The following PCED1A variants were observed in gnomAD, a reference collection of about 807,000 sequenced individuals.
PCED1A encodes PC-esterase domain containing 1A.
PCED1A carries 20 observed loss-of-function variants against 41.9 expected under a neutral mutation model. That is an observed-to-expected ratio of 0.48 (90% confidence interval 0.34 to 0.69). PCED1A has a LOEUF of 0.69. PCED1A is among the 30% of genes least tolerant of loss of function. The pLI is 0.01. For synonymous variants in PCED1A, 236 were observed against 241.3 expected, an observed-to-expected ratio of 0.98 and a Z score of 0.20; for missense variants, 498 against 602.1, an observed-to-expected ratio of 0.83 and a Z score of 1.81.
At chr20:2,840,792 G>T (rs141415553), upstream of PCED1A, 3 of 1,548,398 alleles carry the variant, frequency 1.9e-6, no homozygotes, top group Non-Finnish European at 2.6e-6. Context: ...GCTACACGGC[G>T]AACTGGAACC....
At position 2,838,156 on chromosome 20, in the gene PCED1A, G is replaced by A. The variant is rs942198429; in HGVS notation, c.841+76C>T. 22 of 1,602,328 alleles carry A rather than the reference G, an allele frequency of 1.4e-5. No individual in the cohort carries two copies. The highest frequency in any genetic ancestry group is 6.7e-5 in the African/African-American group (5 of 74,716). ...ACCTCTACTTCCCTTGAGTGGCTGT[G>A]TCCCATTCTGTTTCTGAGCCCTGTC... On this transcript the variant is annotated intron_variant, in intron 6 of 7. Transcript: ENST00000360652. The surrounding 1 kb of genome is among the most constrained non-coding windows in gnomAD (Gnocchi z 5.8).
At chr20:2,835,851 C>A (rs6037420) in intron 7 of PCED1A, 142 bp from the exon 8 acceptor site, 2 of 1,457,082 alleles carry the variant, frequency 1.4e-6, no homozygotes. Flanking sequence ...TACCTTCAGA[C>A]GGTGAAACAG....
Position 2,838,418 on chromosome 20 carries a change from T to C in PCED1A, c.655A>G (p.Thr219Ala). 1.2e-6 allele frequency: 2 copies of C among 1,614,252 alleles called. No individual in the cohort carries two copies. Among genetic ancestry groups the C allele is most frequent in the Non-Finnish European group, 1.7e-6 (2 of 1,180,044 alleles). ...DVVEGNFYSA[T>A]LAGDHCFDVL... is the part of the protein sequence containing the mutation. ...TCAAAGCAGTGGTCCCCGGCCAGCG[T>C]AGCACTGTAGAAGTTCCCTTCAACC... Residue 219 changes from threonine to alanine, a missense_variant, in exon 6 of 8, where the codon ACG becomes GCG. Around this residue, in one of 2 missense-constraint regions of PCED1A, gnomAD observed 253 missense variants for 369.7 expected, o/e 0.68. Transcript: ENST00000360652. The surrounding 1 kb of genome is among the most constrained non-coding windows in gnomAD (Gnocchi z 5.8).
chr20:2,836,004 G>A, intron 7 of PCED1A, 35 bp downstream of exon 7: 9 of 1,464,730 alleles, frequency 6.1e-6, no homozygotes, highest in Middle Eastern at 2.2e-4. Context: ...GTAAGGGGAG[G>A]TACAAGAGGG....
Position 2,838,090 on chromosome 20 carries a change from T to C in PCED1A, c.841+142A>G. 1 of 1,241,472 alleles carries C rather than the reference T, an allele frequency of 8.1e-7. No individual in the cohort carries two copies. Among genetic ancestry groups the C allele is most frequent in the Non-Finnish European group, 1.1e-6 (1 of 877,222 alleles). The allele number at this position is 1,241,472 out of a possible 1,614,324, so 76.9% of individuals were successfully genotyped here. ...CGATGATCTAACCCTCCTCAGGGGT[T>C]GAGGAAGGTGCATGCAGAAGCCACA... is the stretch of plus-strand genomic sequence containing the variant. On this transcript the variant is annotated intron_variant, in intron 6 of 7. Coordinates refer to ENST00000360652, the MANE Select transcript of PCED1A (RefSeq NM_022760.6). This position sits in a 1 kb window ranked among gnomAD's most constrained non-coding sequence, Gnocchi z 5.8.
intron 6 of PCED1A, among the ~76,000 whole-genome samples, chr20:2,837,808 A>C (rs1261669680): frequency 1.3e-5 from 2 of 152,070 alleles, no homozygotes; most frequent in African/African-American, 2.4e-5. Flanking sequence ...TCCCTGTTCC[A>C]CACCCTGCCA....
At chr20:2,840,776 T>C, upstream of PCED1A, 2 of 1,548,518 alleles carry the variant, frequency 1.3e-6, no homozygotes, top group Non-Finnish European at 1.7e-6. Flanking sequence ...GCACCAGCCA[T>C]GGACTGCTAC....
chr20:2,835,367 A>G lies in PCED1A; in HGVS notation c.*95T>C, dbSNP rs1010838394. 57 of 1,441,726 alleles carry G rather than the reference A, an allele frequency of 4.0e-5. No homozygotes were observed. The highest frequency in any genetic ancestry group is 5.3e-5 in the Non-Finnish European group (57 of 1,076,844). The allele number at this position is 1,441,726 out of a possible 1,614,324, so 89.3% of individuals were successfully genotyped here. ...TTGGTGACAGCAATGGACAAGAACA[A>G]TACCAGGCATAGCAGACACCCTAGC... On this transcript the variant is annotated 3_prime_UTR_variant, in exon 8 of 8. Coordinates refer to ENST00000360652, the MANE Select transcript of PCED1A (RefSeq NM_022760.6).
In PCED1A at chr20:2,840,471, C is replaced by T. The variant is rs2088946887; in HGVS notation, c.-282G>A. On this transcript the variant is annotated 5_prime_UTR_variant, in exon 1 of 8. In the 5' UTR this introduces an upstream ATG that the reference lacks. Coordinates refer to ENST00000360652, the MANE Select transcript of PCED1A (RefSeq NM_022760.6). ...TCGGCGCCTCGGGCTGCGACGCTCA[C>T]AGCTTCCACTTCCGTTCACCCATGT... 2.1e-6 allele frequency: 1 copy of T among 475,450 alleles called. No individual in the cohort carries two copies. The highest frequency in any genetic ancestry group is 4.2e-5 in the East Asian group (1 of 23,616). 29.5% of individuals were successfully genotyped at this position (475,450 alleles called of 1,614,324 possible).
At chr20:2,840,835 G>GGCCCCCCC, upstream of PCED1A, 1 of 1,524,286 alleles carries the variant, frequency 6.6e-7, no homozygotes, top group Non-Finnish European at 8.9e-7. Context: ...CCGGTGAGCT[G>GGCCCCCCC]CCCCGCCCTC....
At chr20:2,836,570 G>A (rs755202554) in intron 6 of PCED1A, among the ~76,000 whole-genome samples, 15 of 152,092 alleles carry the variant, frequency 9.9e-5, no homozygotes, top group Non-Finnish European at 2.2e-4. Context: ...TGTTTGCCCA[G>A]GTCTTGTATC....
rs2088899643 is a variant in PCED1A, at chr20:2,839,279, G to A, written c.125-8C>T. 1.2e-6 allele frequency: 2 copies of A among 1,613,304 alleles called. No homozygotes were observed. The highest frequency in any genetic ancestry group is 2.2e-5 in the South Asian group (2 of 91,070). On this transcript the variant is annotated splice_polypyrimidine_tract_variant and splice_region_variant and intron_variant, in intron 2 of 7. Coordinates refer to ENST00000360652, the MANE Select transcript of PCED1A (RefSeq NM_022760.6). ...TGTACACAGCCCTCTGAACTGGGAG[G>A]AGACAGAGATCCCAAGGCTGAGGCA...
In PCED1A at chr20:2,838,801, T is replaced by C; in HGVS notation, c.443+43A>G. 6.2e-7 allele frequency: 1 copy of C among 1,614,130 alleles called. No individual in the cohort carries two copies. Among genetic ancestry groups the C allele is most frequent in the Non-Finnish European group, 8.5e-7 (1 of 1,179,986 alleles). ...GCACAAGGGTGGACTGCCTCAGCCG[T>C]ACTTCCAGCCCCAACCAGTATTCCC... On this transcript the variant is annotated intron_variant, in intron 4 of 7. Transcript: ENST00000360652. This position sits in a 1 kb window ranked among gnomAD's most constrained non-coding sequence, Gnocchi z 5.8.
rs749738193 is a variant in PCED1A, at chr20:2,838,424, T to C, written c.649A>G (p.Ser217Gly). The change falls in exon 6 of 8, where the codon AGT (serine) becomes GGT (glycine). Residue 217 changes from serine (S) to glycine (G), a missense_variant. Transcript: ENST00000360652. This position sits in a 1 kb window ranked among gnomAD's most constrained non-coding sequence, Gnocchi z 5.8. ...CAGTGGTCCCCGGCCAGCGTAGCACTGTAGAAGTTCCCTTCAACCACATCC... is the reference window on the plus strand; with the variant it reads ...CAGTGGTCCCCGGCCAGCGTAGCACCGTAGAAGTTCCCTTCAACCACATCC... ...RRDVVEGNFY[S>G]ATLAGDHCFD... The C allele has an allele frequency of 3.1e-6, 5 of 1,614,126 alleles. No homozygotes were observed. Among genetic ancestry groups the C allele is most frequent in the Non-Finnish European group, 4.2e-6 (5 of 1,180,048 alleles).
In PCED1A at chr20:2,839,281, G is replaced by A; in HGVS notation, c.125-10C>T. On this transcript the variant is annotated splice_polypyrimidine_tract_variant and intron_variant, in intron 2 of 7. Coordinates refer to ENST00000360652, the MANE Select transcript of PCED1A (RefSeq NM_022760.6). ...TACACAGCCCTCTGAACTGGGAGGA[G>A]ACAGAGATCCCAAGGCTGAGGCAGA... The A allele has an allele frequency of 1.9e-6, 3 of 1,613,158 alleles. No homozygotes were observed. The highest frequency in any genetic ancestry group is 2.2e-5 in the East Asian group (1 of 44,866).
chr20:2,836,462 T>C, intron 6 of PCED1A, 148 bp from the exon 7 acceptor site: 1 of 705,592 alleles, frequency 1.4e-6, no homozygotes, highest in South Asian at 1.8e-5. Flanking sequence ...GTTTTCCTCA[T>C]TCCCTCTCAT....
intron 6 of PCED1A, 58 bp from the exon 7 acceptor site, chr20:2,836,372 G>C: frequency 3.5e-6 from 5 of 1,426,510 alleles, no homozygotes; most frequent in Non-Finnish European, 4.9e-6. Context: ...CTGAACTCTG[G>C]CCATCCACAC....
rs369507132 is a variant in PCED1A at position 2,838,815 on chromosome 20, A to G, written c.443+29T>C. 15 of 1,614,118 alleles carry G rather than the reference A, an allele frequency of 9.3e-6. No homozygotes were observed. The African/African-American group carries it at 1.3e-4, about 14-fold the overall frequency. On this transcript the variant is annotated intron_variant, in intron 4 of 7. Coordinates refer to ENST00000360652, the MANE Select transcript of PCED1A (RefSeq NM_022760.6). The surrounding 1 kb of genome is among the most constrained non-coding windows in gnomAD (Gnocchi z 5.8). ...TGCCTCAGCCGTACTTCCAGCCCCA[A>G]CCAGTATTCCCCTTTCCCTCGCCCC...
chr20:2,835,683 G>T lies in PCED1A; in HGVS notation c.1144C>A (p.Pro382Thr), dbSNP rs200021652. 851 of 1,575,316 alleles carry T rather than the reference G, an allele frequency of 5.4e-4. 6 individuals carry two copies. Among genetic ancestry groups the T allele is most frequent in the Non-Finnish European group, 2.0e-4 (231 of 1,155,810 alleles). Residue 382 changes from proline to threonine, a missense_variant, in exon 8 of 8, where the codon CCT becomes ACT. Pro to Thr is a conservative substitution (Grantham distance 38, BLOSUM62 -1). This residue lies in a region of PCED1A where 245 missense variants were observed against 232.4 expected (regional missense o/e 1.05). Transcript: ENST00000360652. ...GGGATTGGAGGTGGCAGAGGGCCAG[G>T]CACAAAGTTCACTCCAGGGCCACAT... is the stretch of plus-strand genomic sequence containing the variant. ...LGCGPGVNFV[P>T]GPLPPPIPGP...
Sources: allele counts gnomAD v4.1 joint callset (sites outside exome capture counted in the v4.1 genomes callset), GRCh38; gene constraint gnomAD v4.1.1; regional missense constraint gnomAD v4.1.1; non-coding constraint Gnocchi (gnomAD v3.1); transcripts MANE v1.5; gene names NCBI Gene and HGNC (gene_info 2026-07-23, HGNC 2026-07-21).